Variants in ABI3BP observed in about 807,000 individuals in gnomAD.
ABI3BP encodes the protein ABI family member 3 binding protein.
Under a neutral mutation model 268.6 loss-of-function variants are expected in ABI3BP, and 216 were observed. That is an observed-to-expected ratio of 0.80 (90% CI 0.72 to 0.90). The LOEUF is 0.90. Ranked by LOEUF, ABI3BP falls within the 40% of genes least tolerant of loss-of-function variation. ABI3BP has a pLI of 0.00. For missense variants in ABI3BP, 2,090 were observed against 2,182.4 expected, an observed-to-expected ratio of 0.96 and a Z score of 0.84; for synonymous variants, 730 against 730.0, an observed-to-expected ratio of 1.00 and a Z score of 0.00.
chr3:100,764,433 G>A (rs2096160155), intron 63 of ABI3BP, among the ~76,000 whole-genome samples: 1 of 152,200 alleles, frequency 6.6e-6, no homozygotes, highest in African/African-American at 2.4e-5. Flanking sequence ...GAATGGAAAT[G>A]CAAATGCAAA....
chr3:100,780,342 C>T (rs1057135403), intron 57 of ABI3BP, 133 bp from the exon 58 acceptor site: 9 of 723,010 alleles, frequency 1.2e-5, no homozygotes, highest in African/African-American at 1.8e-5. Context: ...AGACATTTTA[C>T]GGGCTTCTAC....
At chr3:100,960,672 G>A (rs776117221) in intron 1 of ABI3BP, among the ~76,000 whole-genome samples, 45 of 152,304 alleles carry the variant, frequency 3.0e-4, no homozygotes, top group East Asian at 5.8e-4. Context: ...GATTCAAAGC[G>A]TGCAAAAGAT....
intron 51 of ABI3BP, among the ~76,000 whole-genome samples, chr3:100,800,768 C>G (rs1483452287): frequency 6.6e-6 from 1 of 152,194 alleles, no homozygotes; most frequent in Non-Finnish European, 1.5e-5. Context: ...CGTGAGCCAC[C>G]ACGCCCAGCC....
intron 27 of ABI3BP, among the ~76,000 whole-genome samples, chr3:100,836,528 T>C (rs2098594045): frequency 6.6e-6 from 1 of 152,086 alleles, no homozygotes; most frequent in South Asian, 2.1e-4. Flanking sequence ...AAGGCATATA[T>C]AATAGAAGAG....
intron 6 of ABI3BP, among the ~76,000 whole-genome samples, chr3:100,879,495 T>C (rs1476976137): frequency 2.0e-5 from 3 of 152,226 alleles, no homozygotes; most frequent in African/African-American, 7.2e-5. Context: ...CATGTTGCTA[T>C]GCTGCTGAAT....
Position 100,851,933 on chromosome 3 carries a change from A to G in ABI3BP, c.1293T>C (p.Tyr431=), listed in dbSNP as rs1420347759. 3.9e-6 allele frequency: 6 copies of G among 1,550,260 alleles called. No homozygotes were observed. The highest frequency in any genetic ancestry group is 1.2e-5 in the South Asian group (1 of 82,810). Residue 431 remains tyrosine (Y), a synonymous_variant, in exon 15 of 68, where the codon TAT becomes TAC. Transcript: ENST00000471714. The stretch of plus-strand genomic sequence containing the variant: ...ATGTTGTAGGGCTTGAGAAAACATC[A>G]TAAGTTGCTTAAAAAAAAAAAAAAG... ...SKVLQPQTAT[Y]DVFSSPTTSD...
intron 2 of ABI3BP, among the ~76,000 whole-genome samples, chr3:100,908,418 C>G (rs2054577775): frequency 6.6e-6 from 1 of 152,106 alleles, no homozygotes; most frequent in African/African-American, 2.4e-5. Flanking sequence ...TGAGTGAACT[C>G]CCATTCACAA....
chr3:100,750,718 A>G (rs1372064137), intron 67 of ABI3BP, 108 bp from the exon 68 acceptor site: 4 of 710,262 alleles, frequency 5.6e-6, no homozygotes, highest in Non-Finnish European at 6.8e-6. Context: ...ATCTTAGTGA[A>G]GCGAGGTAAT....
At chr3:100,881,617 C>A in intron 6 of ABI3BP, among the ~76,000 whole-genome samples, 1 of 150,464 alleles carries the variant, frequency 6.6e-6, no homozygotes. Flanking sequence ...ATAATAAAAC[C>A]TAATAGTAAA....
intron 1 of ABI3BP, among the ~76,000 whole-genome samples, chr3:100,943,571 T>A (rs900873151): frequency 2.6e-5 from 4 of 152,004 alleles, no homozygotes; most frequent in Non-Finnish European, 5.9e-5. Flanking sequence ...TCCCACCACA[T>A]CCTCCCAGGG....
chr3:100,850,544 A>T, intron 16 of ABI3BP, 116 bp downstream of exon 16: 1 of 744,610 alleles, frequency 1.3e-6, no homozygotes, highest in Non-Finnish European at 2.3e-6. Context: ...ATTGAGAAAT[A>T]GGATAGATAA....
intron 3 of ABI3BP, among the ~76,000 whole-genome samples, chr3:100,901,993 C>G (rs962067158): frequency 6.6e-6 from 1 of 152,092 alleles, no homozygotes; most frequent in Non-Finnish European, 1.5e-5. Flanking sequence ...TATCCACTTT[C>G]CTGTTGCAAG....
intron 54 of ABI3BP, among the ~76,000 whole-genome samples, chr3:100,793,086 G>A (rs1370551123): frequency 6.6e-6 from 1 of 151,692 alleles, no homozygotes; most frequent in Non-Finnish European, 1.5e-5. Context: ...TAGTTGCCTC[G>A]ATGTATTTAT....
At chr3:100,922,553 TGATGGCGATGGC>T (rs1268567142) in intron 2 of ABI3BP, among the ~76,000 whole-genome samples, 2 of 146,074 alleles carry the variant, frequency 1.4e-5, no homozygotes, top group South Asian at 2.2e-4. Flanking sequence ...ATGGTGATGG[TGATGGCGATGGC>T]GATGGCGATG....
chr3:100,954,043 TAACAA>T (rs2076010847), intron 1 of ABI3BP, among the ~76,000 whole-genome samples: 2 of 152,144 alleles, frequency 1.3e-5, no homozygotes, highest in Admixed American at 6.5e-5. Flanking sequence ...CTAGTACGTG[TAACAA>T]AGGTCCAGAT....
At chr3:100,841,904 A>G (rs1258942995) in intron 21 of ABI3BP, 94 bp downstream of exon 21, 30 of 1,013,268 alleles carry the variant, frequency 3.0e-5, no homozygotes, top group South Asian at 1.6e-4. Context: ...TGGAGAAGAA[A>G]AAAAAAAAAA....
chr3:100,840,703 T>TCACA (rs1316414981), intron 22 of ABI3BP, 117 bp downstream of exon 22: 17 of 822,800 alleles, frequency 2.1e-5, no homozygotes. Flanking sequence ...AACAGAGCAC[T>TCACA]CACACACACA....
chr3:100,794,126 C>A (rs2097272381), intron 54 of ABI3BP, among the ~76,000 whole-genome samples: 1 of 151,972 alleles, frequency 6.6e-6, no homozygotes, highest in South Asian at 2.1e-4. Context: ...GTGTAAATGA[C>A]CCTAATCTGA....
chr3:100,841,962 T>G, intron 21 of ABI3BP, 36 bp downstream of exon 21: 1 of 1,453,352 alleles, frequency 6.9e-7, no homozygotes, highest in Non-Finnish European at 9.3e-7. Context: ...GTGTTAAAGA[T>G]ACTTTGTTTT....
Sources: allele counts gnomAD v4.1 joint callset (sites outside exome capture counted in the v4.1 genomes callset), GRCh38; gene constraint gnomAD v4.1.1; transcripts MANE v1.5; gene names NCBI Gene and HGNC (gene_info 2026-07-23, HGNC 2026-07-21).